The following TOX variants were observed in gnomAD, a reference collection of about 807,000 sequenced individuals.
The protein encoded by TOX is thymocyte selection associated high mobility group box.
A neutral mutation model predicts 53.7 loss-of-function variants in TOX; 11 were observed. The ratio of observed to expected loss-of-function variants is 0.20; its 90% CI spans 0.13 to 0.34. The LOEUF (loss-of-function observed/expected upper bound fraction) is 0.34, where lower values mean the gene tolerates loss of function less well. Among genes scored for constraint, TOX ranks in the 10% least tolerant of loss-of-function variants. The pLI, the probability that TOX is intolerant of heterozygous loss-of-function variation, is 1.00. For missense variants in TOX, 570 were observed against 664.6 expected (o/e 0.86, Z 1.56); for synonymous variants, 225 against 245.3 (o/e 0.92, Z 0.77).
chr8:59,001,807 C>A (rs528062672), intron 1 of TOX, among the ~76,000 whole-genome samples: 3 of 151,280 alleles, frequency 2.0e-5, no homozygotes, highest in Non-Finnish European at 2.9e-5. Flanking sequence ...AGTTGCAAAA[C>A]AAAGAAAAAA....
intron 6 of TOX, among the ~76,000 whole-genome samples, chr8:58,816,542 A>T (rs1308635840): frequency 6.6e-6 from 1 of 152,192 alleles, no homozygotes. Context: ...CATGGGCCTG[A>T]ACCTACCTCC....
chr8:58,898,993 G>A (rs17296738), intron 3 of TOX, among the ~76,000 whole-genome samples: 11,056 of 152,198 alleles, frequency 0.073, 605 homozygotes, highest in Admixed American at 0.17. Flanking sequence ...CCTTGGCTGA[G>A]GTGGCATAAT....
At chr8:58,972,291 A>G (rs1813015937) in intron 1 of TOX, among the ~76,000 whole-genome samples, 1 of 152,238 alleles carries the variant, frequency 6.6e-6, no homozygotes. Context: ...ATTATAGCAC[A>G]GTATTAAAAA....
chr8:58,999,064 A>T (rs1016760191), intron 1 of TOX, among the ~76,000 whole-genome samples: 2 of 152,210 alleles, frequency 1.3e-5, no homozygotes, highest in African/African-American at 2.4e-5. Context: ...TCCAAAAGTA[A>T]CTGAAAGTCC....
In TOX at chr8:58,851,496, A is replaced by G. The variant is rs1415470673; in HGVS notation, c.693+28T>C. 8.1e-6 allele frequency: 13 copies of G among 1,609,496 alleles called. No individual in the cohort carries two copies. Among genetic ancestry groups the G allele is most frequent in the Non-Finnish European group, 1.0e-5 (12 of 1,178,248 alleles). On this transcript the variant is annotated intron_variant, in intron 4 of 8. Coordinates refer to ENST00000361421, the MANE Select transcript of TOX (RefSeq NM_014729.3). The surrounding 1 kb of genome is among the most constrained non-coding windows in gnomAD (Gnocchi z 4.4). ...AGAAGGTGCCTAAGAATAGTCTCCC[A>G]TAGGTCCTAAAAATAACTTATTCAT... is the stretch of plus-strand genomic sequence containing the variant.
intron 1 of TOX, among the ~76,000 whole-genome samples, chr8:59,088,636 T>C (rs1053029798): frequency 1.3e-5 from 2 of 152,232 alleles, no homozygotes; most frequent in Non-Finnish European, 2.9e-5. Flanking sequence ...CTTAGTTGGA[T>C]AGGCTTTGGA....
intron 4 of TOX, among the ~76,000 whole-genome samples, chr8:58,847,622 T>A (rs1445314300): frequency 2.0e-5 from 3 of 151,532 alleles, no homozygotes; most frequent in Admixed American, 2.0e-4. Context: ...CTGAAAAAAA[T>A]AAGGAATGAA....
At chr8:59,093,562 T>C (rs879602185) in intron 1 of TOX, among the ~76,000 whole-genome samples, 14 of 152,342 alleles carry the variant, frequency 9.2e-5, no homozygotes, top group Non-Finnish European at 1.8e-4. Context: ...AATTAAATAT[T>C]TACAGCTATT....
intron 1 of TOX, among the ~76,000 whole-genome samples, chr8:59,079,909 C>T (rs1804369438): frequency 6.6e-6 from 1 of 152,152 alleles, no homozygotes; most frequent in South Asian, 2.1e-4. Flanking sequence ...GTGGAGCTGC[C>T]CAAGGCCTTG....
intron 1 of TOX, among the ~76,000 whole-genome samples, chr8:58,987,994 G>T (rs1320294604): frequency 1.3e-5 from 2 of 152,186 alleles, no homozygotes; most frequent in East Asian, 3.9e-4. Flanking sequence ...ATCCAATCCA[G>T]GTCTTCTGAC....
chr8:59,049,774 A>T (rs1203949918), intron 1 of TOX, among the ~76,000 whole-genome samples: 1 of 152,216 alleles, frequency 6.6e-6, no homozygotes, highest in Non-Finnish European at 1.5e-5. Flanking sequence ...TCCTGAGTTA[A>T]ACCACTTCTA....
intron 1 of TOX, among the ~76,000 whole-genome samples, chr8:58,962,631 G>A (rs1563402104): frequency 6.6e-6 from 1 of 152,172 alleles, no homozygotes; most frequent in Non-Finnish European, 1.5e-5. Context: ...TATCAAAGCA[G>A]AGTGATGACA....
At chr8:58,834,723 A>C (rs532112447) in intron 5 of TOX, among the ~76,000 whole-genome samples, 1 of 152,276 alleles carries the variant, frequency 6.6e-6, no homozygotes, top group Admixed American at 6.5e-5. Context: ...AGCCGGTGCA[A>C]TGTGCTCCCT....
chr8:58,998,536 T>TATAA (rs1218798687), intron 1 of TOX, among the ~76,000 whole-genome samples: 31 of 37,752 alleles, frequency 8.2e-4, no homozygotes, highest in Non-Finnish European at 1.2e-3. Context: ...TATATATATA[T>TATAA]ATAAATTTAT....
chr8:59,099,118 C>T (rs1804762794), intron 1 of TOX, among the ~76,000 whole-genome samples: 1 of 152,166 alleles, frequency 6.6e-6, no homozygotes, highest in Non-Finnish European at 1.5e-5. Context: ...ATAGAGATGA[C>T]ACTCCGCTTG....
intron 1 of TOX, among the ~76,000 whole-genome samples, chr8:58,966,950 C>T (rs1209933907): frequency 2.0e-5 from 3 of 149,412 alleles, no homozygotes; most frequent in Non-Finnish European, 4.4e-5. Flanking sequence ...TCTTGGCTCA[C>T]TGCAAGCTCT....
chr8:58,881,216 G>A (rs1359238213), intron 3 of TOX, among the ~76,000 whole-genome samples: 1 of 152,054 alleles, frequency 6.6e-6, no homozygotes. Context: ...CTGCAAATCT[G>A]ATTACTATTT....
intron 3 of TOX, among the ~76,000 whole-genome samples, chr8:58,914,453 G>T (rs1811965940): frequency 6.6e-6 from 1 of 152,104 alleles, no homozygotes; most frequent in Non-Finnish European, 1.5e-5. Flanking sequence ...GACCAAAATT[G>T]TCTGTCTAGA....
chr8:59,067,291 C>T (rs941558234), intron 1 of TOX, among the ~76,000 whole-genome samples: 1 of 152,176 alleles, frequency 6.6e-6, no homozygotes, highest in African/African-American at 2.4e-5. Flanking sequence ...AGGGGGCTCA[C>T]CCCCATAATC....
Sources: allele counts gnomAD v4.1 joint callset (sites outside exome capture counted in the v4.1 genomes callset), GRCh38; gene constraint gnomAD v4.1.1; non-coding constraint Gnocchi (gnomAD v3.1); transcripts MANE v1.5; gene names NCBI Gene and HGNC (gene_info 2026-07-23, HGNC 2026-07-21).